CDH5: variants seen among roughly 807,000 people sequenced by gnomAD.
CDH5 encodes cadherin-5.
In CDH5, 28 loss-of-function variants were observed where a neutral mutation model predicts 62.0. The ratio of observed to expected loss-of-function variants is 0.45; its 90% CI spans 0.33 to 0.62. The LOEUF is 0.62. Among genes scored for constraint, CDH5 ranks in the 20% least tolerant of loss-of-function variants. The probability of loss-of-function intolerance (pLI) is 0.02; values close to 1 mark genes in which losing one functional copy is unlikely to be tolerated. For missense variants in CDH5, 940 were observed against 1,065.1 expected (o/e 0.88, Z 1.63); for synonymous variants, 464 against 445.8 (o/e 1.04, Z -0.52).
At chr16:66,393,814 G>A (rs923769176) in intron 7 of CDH5, among the ~76,000 whole-genome samples, 6 of 152,056 alleles carry the variant, frequency 3.9e-5, no homozygotes, top group African/African-American at 1.4e-4. Context: ...GAATTCTAGT[G>A]TTTATATATT....
intron 5 of CDH5, among the ~76,000 whole-genome samples, 199 bp downstream of exon 5, chr16:66,389,721 G>A (rs1341418851): frequency 1.7e-4 from 26 of 152,014 alleles, no homozygotes; most frequent in Non-Finnish European, 1.5e-4. Context: ...CCATCCTGCC[G>A]CCCCCTGCCA....
chr16:66,392,023 A>G, intron 6 of CDH5, 113 bp from the exon 7 acceptor site: 1 of 1,306,784 alleles, frequency 7.7e-7, no homozygotes, highest in Non-Finnish European at 1.1e-6. Flanking sequence ...TGGGCCCCTC[A>G]TCTATAAAAT....
chr16:66,391,801 G>A (rs1961089360), intron 6 of CDH5, among the ~76,000 whole-genome samples: 1 of 152,172 alleles, frequency 6.6e-6, no homozygotes, highest in Non-Finnish European at 1.5e-5. Context: ...CTGTCCTTAA[G>A]GACCTGTGGG....
intron 2 of CDH5, among the ~76,000 whole-genome samples, chr16:66,384,049 C>G (rs1415864071): frequency 6.7e-6 from 1 of 150,038 alleles, no homozygotes; most frequent in Non-Finnish European, 1.5e-5. Context: ...AGACCCCAGC[C>G]TCTCTTGAGT....
chr16:66,388,255 T>C, intron 3 of CDH5, 69 bp from the exon 4 acceptor site: 1 of 955,174 alleles, frequency 1.0e-6, no homozygotes, highest in South Asian at 1.3e-5. Flanking sequence ...CCCCATCTGC[T>C]CTGTTCCAGG....
chr16:66,380,349 G>A (rs1033394178), intron 2 of CDH5, among the ~76,000 whole-genome samples: 10 of 149,338 alleles, frequency 6.7e-5, no homozygotes, highest in Admixed American at 5.3e-4. Flanking sequence ...GTGATGGTGG[G>A]TGATGGTGGT....
At chr16:66,384,771 GC>G (rs1328519347) in intron 2 of CDH5, among the ~76,000 whole-genome samples, 1 of 151,430 alleles carries the variant, frequency 6.6e-6, no homozygotes, top group Non-Finnish European at 1.5e-5. Context: ...TTTGAGACCA[GC>G]CTGGCCAACA....
chr16:66,384,206 T>A (rs1028290807), intron 2 of CDH5, among the ~76,000 whole-genome samples: 7 of 145,502 alleles, frequency 4.8e-5, no homozygotes, highest in African/African-American at 1.8e-4. Flanking sequence ...TCCCTCAGCC[T>A]CCCAAGTAGC....
chr16:66,392,382 G>C lies in CDH5; in HGVS notation c.1216G>C (p.Gly406Arg). 6.2e-7 allele frequency: 1 copy of C among 1,614,102 alleles called. No individual in the cohort carries two copies. Among genetic ancestry groups the C allele is most frequent in the Non-Finnish European group, 8.5e-7 (1 of 1,179,968 alleles). Residue 406 changes from glycine to arginine, a missense_variant and splice_region_variant, in exon 7 of 12, where the codon GGA becomes CGA. Coordinates refer to ENST00000341529, the MANE Select transcript of CDH5 (RefSeq NM_001795.5). ...CCCTGATGCGGCTAGGCATAGCATT[G>C]GGTAAGGGGGCGTGTGTCGATGAGA... is the stretch of plus-strand genomic sequence containing the variant. ...MDPDAARHSI[G>R]YSIRRTSDKG... is the part of the protein sequence containing the mutation.
intron 7 of CDH5, chr16:66,392,676 GATCTGACAGTCAAGAAAGCAACCA>G (rs1226119053): frequency 5.5e-5 from 21 of 379,956 alleles, no homozygotes; most frequent in African/African-American, 3.8e-4. Context: ...TATGTGGTAA[GATCTGACAGTCAAGAAAGCAACCA>G]ATCAGACGAC....
intron 1 of CDH5, chr16:66,377,739 CA>C (rs1213635313): frequency 6.6e-6 from 1 of 152,174 alleles, no homozygotes; most frequent in Non-Finnish European, 1.5e-5. Flanking sequence ...GTCAGTAACA[CA>C]GGGACCCCAG....
Position 66,379,479 on chromosome 16 carries a change from G to C in CDH5, c.142G>C (p.Asp48His). The change falls in exon 2 of 12, where the codon GAT becomes CAT. Residue 48 changes from aspartate (D) to histidine (H), a missense_variant. Asp to His is a moderately conservative substitution (Grantham distance 81). Transcript: ENST00000341529. Reference sequence around the variant, plus strand: ...GCCCACCCACCGGCGCCAAAAGAGAGATTGGATTTGGAACCAGATGCACAT... The same window carrying C: ...GCCCACCCACCGGCGCCAAAAGAGACATTGGATTTGGAACCAGATGCACAT... ...LLPTHRRQKR[D>H]WIWNQMHIDE... The C allele has an allele frequency of 6.2e-7, 1 of 1,614,240 alleles. No individual in the cohort carries two copies. Among genetic ancestry groups the C allele is most frequent in the Non-Finnish European group, 8.5e-7 (1 of 1,180,036 alleles).
rs553436882 is a variant in CDH5, at chr16:66,392,174, C to T, written c.1008C>T (p.Ile336=). ...AATACATCCAGCAATACAGCTTCATCGTCGAGGCCACAGACCCCACCATCG... is the reference window on the plus strand; with the variant it reads ...AATACATCCAGCAATACAGCTTCATTGTCGAGGCCACAGACCCCACCATCG... The part of the protein sequence containing the change: ...DYEYIQQYSF[I]VEATDPTIDL... The change falls in exon 7 of 12, where the codon ATC becomes ATT. Residue 336 remains isoleucine (I), a synonymous_variant. Transcript: ENST00000341529. The T allele has an allele frequency of 1.7e-5, 28 of 1,614,164 alleles. No homozygotes were observed. The highest frequency in any genetic ancestry group is 1.7e-4 in the African/African-American group (13 of 75,038).
chr16:66,395,503 C>CTTTTTTTTTTTTTTTTT (rs56675642), intron 7 of CDH5: 180 of 80,806 alleles, frequency 2.2e-3, no homozygotes, highest in Non-Finnish European at 2.5e-3. Context: ...CTTTTCTTTT[C>CTTTTTTTTTTTTTTTTT]TTTTTTTTTT....
intron 2 of CDH5, among the ~76,000 whole-genome samples, chr16:66,385,771 CGATGAATTCTGA>C (rs1372133051): frequency 6.6e-6 from 1 of 152,134 alleles, no homozygotes; most frequent in East Asian, 1.9e-4. Flanking sequence ...AATTAGGAAG[CGATGAATTCTGA>C]GAATTCGTTG....
intron 10 of CDH5, among the ~76,000 whole-genome samples, 178 bp downstream of exon 10, chr16:66,398,739 A>G (rs1409482643): frequency 6.6e-6 from 1 of 152,216 alleles, no homozygotes; most frequent in Non-Finnish European, 1.5e-5. Flanking sequence ...CTCCAAAAAA[A>G]GAACAAATGC....
chr16:66,368,342 G>C (rs887232778), intron 1 of CDH5, among the ~76,000 whole-genome samples: 2 of 152,152 alleles, frequency 1.3e-5, no homozygotes, highest in Admixed American at 1.3e-4. Flanking sequence ...CTGAGCCCCT[G>C]AGCAGCCCTA....
At chr16:66,402,592 T>TG (rs1198592574) in intron 11 of CDH5, 60 bp from the exon 12 acceptor site, 4 of 1,256,150 alleles carry the variant, frequency 3.2e-6, no homozygotes, top group East Asian at 6.0e-5. Context: ...GATGGGGGCA[T>TG]GGGGGGCCGC....
Position 66,392,393 on chromosome 16 carries a change from C to A in CDH5, c.1217+10C>A, listed in dbSNP as rs372007413. 6.2e-7 allele frequency: 1 copy of A among 1,613,810 alleles called. No individual in the cohort carries two copies. The highest frequency in any genetic ancestry group is 8.5e-7 in the Non-Finnish European group (1 of 1,179,844). ...CTAGGCATAGCATTGGGTAAGGGGG[C>A]GTGTGTCGATGAGAATGATAAGGAC... On this transcript the variant is annotated intron_variant, in intron 7 of 11. Coordinates refer to ENST00000341529, the MANE Select transcript of CDH5 (RefSeq NM_001795.5).
Sources: gnomAD v4.1 joint callset for allele counts (sites outside exome capture counted in the v4.1 genomes callset) on GRCh38, gnomAD v4.1.1 for gene constraint, MANE v1.5 for transcripts, NCBI Gene and HGNC (gene_info 2026-07-23, HGNC 2026-07-21) for gene names.